The following BCKDHB variants were observed in gnomAD, a reference collection of about 807,000 sequenced individuals.
BCKDHB encodes 2-oxoisovalerate dehydrogenase subunit beta, mitochondrial.
Under a neutral mutation model 48.5 loss-of-function variants are expected in BCKDHB, and 41 were observed. The observed-to-expected ratio is 0.85, with a 90% CI of 0.66 to 1.10. The LOEUF is 1.10. Among genes scored for constraint, BCKDHB ranks in the 50% least tolerant of loss-of-function variants. The pLI is 0.00. For missense variants in BCKDHB, 496 were observed against 494.2 expected, an observed-to-expected ratio of 1.00 and a Z score of -0.03; for synonymous variants, 201 against 174.8, an observed-to-expected ratio of 1.15 and a Z score of -1.18.
At chr6:80,206,648 G>C (rs1406915880) in intron 8 of BCKDHB, among the ~76,000 whole-genome samples, 2 of 151,686 alleles carry the variant, frequency 1.3e-5, no homozygotes, top group African/African-American at 4.8e-5. Context: ...TCAATGAATA[G>C]GCTTATAACA....
At position 80,316,374 on chromosome 6, in the gene BCKDHB, C is replaced by T. The variant is rs1186177399; in HGVS notation, c.1039-27290C>T. The stretch of plus-strand genomic sequence containing the variant: ...AAAATATTCAGTGAAACTCAAACTG[C>T]TTTTTTTTTATTTTTCAAAGCCTTT... On this transcript the variant is annotated intron_variant, in intron 9 of 9. Transcript: ENST00000320393. Among the ~76,000 whole-genome samples, 6 of 150,864 alleles carry T rather than the reference C, an allele frequency of 4.0e-5. 1 individual carries two copies. Among genetic ancestry groups the T allele is most frequent in the Non-Finnish European group, 5.9e-5 (4 of 67,726 alleles).
At chr6:80,441,348 G>C in the BCKDHB span, among the ~76,000 whole-genome samples, 2 of 152,080 alleles carry the variant, frequency 1.3e-5, no homozygotes, top group Non-Finnish European at 2.9e-5. Flanking sequence ...ATTCTGTTAT[G>C]TGTATGTATG....
intron 8 of BCKDHB, among the ~76,000 whole-genome samples, chr6:80,263,075 C>G (rs1261632664): frequency 6.6e-6 from 1 of 152,142 alleles, no homozygotes; most frequent in Non-Finnish European, 1.5e-5. Context: ...AATTGTATTT[C>G]TGGAGAACTA....
chr6:80,145,076 T>C (rs978451054), intron 3 of BCKDHB, among the ~76,000 whole-genome samples: 2 of 152,176 alleles, frequency 1.3e-5, no homozygotes, highest in African/African-American at 4.8e-5. Flanking sequence ...TAGATCCCCT[T>C]CTGCTATTGT....
rs183087902 is a variant in BCKDHB at position 80,267,348 on chromosome 6, C to T, written c.952-5787C>T. Among the ~76,000 whole-genome samples the T allele has an allele frequency of 3.5e-4, 54 of 152,178 alleles. 1 individual carries two copies. The highest frequency in any genetic ancestry group is 1.2e-3 in the African/African-American group (50 of 41,544). On this transcript the variant is annotated intron_variant, in intron 8 of 9. Transcript: ENST00000320393. ...GGTTTCATATAATATTTTGCATTGTCAGCTCCCTGAAATTCTACTGGGAAA... is the reference window on the plus strand; with the variant it reads ...GGTTTCATATAATATTTTGCATTGTTAGCTCCCTGAAATTCTACTGGGAAA...
intron 9 of BCKDHB, among the ~76,000 whole-genome samples, chr6:80,290,474 G>C (rs1766856241): frequency 6.6e-6 from 1 of 152,212 alleles, no homozygotes; most frequent in Admixed American, 6.5e-5. Flanking sequence ...TGCGGAGCAT[G>C]CCTGGGAACA....
intron 8 of BCKDHB, among the ~76,000 whole-genome samples, chr6:80,221,344 C>T (rs548758854): frequency 7.2e-5 from 11 of 152,262 alleles, no homozygotes; most frequent in Admixed American, 1.3e-4. Flanking sequence ...TTTGCTGTTA[C>T]AGGTTTTTCC....
At position 80,343,654 on chromosome 6, in the gene BCKDHB, C is replaced by CT. The variant is rs2128020517; in HGVS notation, c.1039-9dup. The CT allele has an allele frequency of 1.1e-5, 18 of 1,613,930 alleles. No homozygotes were observed. The highest frequency in any genetic ancestry group is 1.5e-5 in the Non-Finnish European group (18 of 1,179,932). On this transcript the variant is annotated splice_polypyrimidine_tract_variant and intron_variant, in intron 9 of 9. Transcript: ENST00000320393. ...ATTCTTGAAGTTAAGCATCCTGACT[C>CT]TGTCTGCAGGAGGAATGTTTCTTGA...
At chr6:80,407,800 A>G in the BCKDHB span, among the ~76,000 whole-genome samples, 1 of 152,206 alleles carries the variant, frequency 6.6e-6, no homozygotes, top group Admixed American at 6.5e-5. Flanking sequence ...TCATCTGCAA[A>G]CAGGGACAAT....
chr6:80,271,232 T>G (rs1196478065), intron 8 of BCKDHB, among the ~76,000 whole-genome samples: 1 of 152,176 alleles, frequency 6.6e-6, no homozygotes, highest in Non-Finnish European at 1.5e-5. Context: ...ATTTTACCAG[T>G]TAATTTGTCA....
chr6:80,238,743 CT>C (rs956194921), intron 8 of BCKDHB, among the ~76,000 whole-genome samples: 4 of 124,676 alleles, frequency 3.2e-5, no homozygotes, highest in African/African-American at 1.0e-4. Context: ...AATGCTATCC[CT>C]CCCCCCTCCT....
chr6:80,169,883 T>A (rs771161436), intron 5 of BCKDHB: 3 of 1,594,494 alleles, frequency 1.9e-6, no homozygotes. Flanking sequence ...AGTTGTAGAC[T>A]GGGAAAGAAG....
chr6:80,138,490 G>C (rs936175981), intron 3 of BCKDHB, among the ~76,000 whole-genome samples: 4 of 151,800 alleles, frequency 2.6e-5, no homozygotes, highest in African/African-American at 9.7e-5. Flanking sequence ...TCCCCGTCCT[G>C]TGTCCATGTG....
chr6:80,382,822 G>A, the BCKDHB span, among the ~76,000 whole-genome samples: 1 of 152,080 alleles, frequency 6.6e-6, no homozygotes, highest in Non-Finnish European at 1.5e-5. Context: ...CTTTGTTCAT[G>A]AGTTTATATT....
chr6:80,387,804 G>A, the BCKDHB span, among the ~76,000 whole-genome samples: 19 of 152,308 alleles, frequency 1.2e-4, no homozygotes, highest in East Asian at 1.9e-3. Context: ...GACCTTGGTC[G>A]CTTTTCACTT....
chr6:80,432,642 G>A, the BCKDHB span, among the ~76,000 whole-genome samples: 1 of 151,990 alleles, frequency 6.6e-6, no homozygotes, highest in Non-Finnish European at 1.5e-5. Flanking sequence ...TAGCTTGGAG[G>A]AGTTTGTTAT....
At chr6:80,277,067 G>A (rs1026264335) in intron 9 of BCKDHB, among the ~76,000 whole-genome samples, 4 of 152,002 alleles carry the variant, frequency 2.6e-5, no homozygotes, top group African/African-American at 7.2e-5. Context: ...TTTAGGGTAT[G>A]GGAACTTTTT....
At chr6:80,342,756 T>G (rs971362090) in intron 9 of BCKDHB, among the ~76,000 whole-genome samples, 13 of 152,066 alleles carry the variant, frequency 8.5e-5, no homozygotes, top group African/African-American at 3.1e-4. Flanking sequence ...ACCACTGCAC[T>G]TCAGCCTGGG....
chr6:80,264,858 A>C (rs1777448048), intron 8 of BCKDHB, among the ~76,000 whole-genome samples: 1 of 152,106 alleles, frequency 6.6e-6, no homozygotes, highest in Non-Finnish European at 1.5e-5. Context: ...ACACTATATC[A>C]ACAACAAAAC....
Sources: allele counts gnomAD v4.1 joint callset (sites outside exome capture counted in the v4.1 genomes callset), GRCh38; gene constraint gnomAD v4.1.1; transcripts MANE v1.5; gene names NCBI Gene and HGNC (gene_info 2026-07-23, HGNC 2026-07-21).